The following VPS13B variants were observed in gnomAD, a reference collection of about 807,000 sequenced individuals.
The protein encoded by VPS13B is intermembrane lipid transfer protein VPS13B.
VPS13B carries 285 observed loss-of-function variants against 426.4 expected under a neutral mutation model. That is an observed-to-expected ratio of 0.67 (90% CI 0.61 to 0.74). The LOEUF (loss-of-function observed/expected upper bound fraction) is 0.74. VPS13B is among the 30% of genes least tolerant of loss of function. VPS13B has a pLI of 0.00. For synonymous variants in VPS13B, 1,676 were observed against 1,676.4 expected (o/e 1.00, Z 0.01); for missense variants, 4,537 against 4,782.6 (o/e 0.95, Z 1.51).
At chr8:99,507,681 G>T in intron 28 of VPS13B, 1 of 1,578,988 alleles carries the variant, frequency 6.3e-7, no homozygotes, top group South Asian at 1.1e-5. Context: ...AACTTGAGGA[G>T]AATTTAAAAC....
chr8:99,409,742 G>A (rs747965222), intron 21 of VPS13B, among the ~76,000 whole-genome samples: 4 of 151,952 alleles, frequency 2.6e-5, no homozygotes, highest in East Asian at 1.9e-4. Context: ...GTTAACATCC[G>A]GACTACATGC....
At chr8:99,417,636 ATATAAC>A (rs1233767765) in intron 21 of VPS13B, among the ~76,000 whole-genome samples, 1 of 152,156 alleles carries the variant, frequency 6.6e-6, no homozygotes, top group Non-Finnish European at 1.5e-5. Context: ...GGTAATCTAT[ATATAAC>A]TTGAACATTG....
At chr8:99,190,765 G>A (rs1813520139) in intron 16 of VPS13B, among the ~76,000 whole-genome samples, 1 of 151,900 alleles carries the variant, frequency 6.6e-6, no homozygotes, top group African/African-American at 2.4e-5. Flanking sequence ...TCTGAACTAT[G>A]TTGTTATGAT....
chr8:99,574,485 A>G (rs1825664299), intron 31 of VPS13B, among the ~76,000 whole-genome samples: 1 of 152,142 alleles, frequency 6.6e-6, no homozygotes, highest in Admixed American at 6.6e-5. Context: ...ATCAATACCT[A>G]ATTTATTGAG....
chr8:99,303,258 C>CAAAA (rs757187342), intron 19 of VPS13B, among the ~76,000 whole-genome samples: 37,519 of 57,016 alleles, frequency 0.66, 12,521 homozygotes, highest in South Asian at 0.79. Flanking sequence ...CAGCCTGTCT[C>CAAAA]AAAAAAAAAA....
chr8:99,373,687 G>A (rs1173685272), intron 19 of VPS13B, among the ~76,000 whole-genome samples: 5 of 152,042 alleles, frequency 3.3e-5, no homozygotes, highest in East Asian at 3.9e-4. Context: ...GTGAAACATC[G>A]TCTCTGCAAA....
rs35646881 is a variant in VPS13B, at chr8:99,469,168, CTTTT to C, written c.3666+1550_3666+1553del. On this transcript the variant is annotated intron_variant, in intron 24 of 61. Transcript: ENST00000357162. ...CATTATTTCATGTTTTCTTTCTTTC[CTTTT>C]TTTTTTTTTTTTTTTGACACAGGGT... Among the ~76,000 whole-genome samples the C allele has an allele frequency of 4.9e-3, 624 of 127,720 alleles. 5 individuals are homozygous for C. Among genetic ancestry groups the C allele is most frequent in the African/African-American group, 0.017 (586 of 34,254 alleles). 83.8% of individuals were successfully genotyped at this position (127,720 alleles called of 152,430 possible). A position where few individuals can be genotyped will look rare whatever the true frequency, so the allele number is the denominator to read the frequency against.
intron 40 of VPS13B, among the ~76,000 whole-genome samples, chr8:99,774,611 A>G (rs1465092757): frequency 6.6e-6 from 1 of 152,204 alleles, no homozygotes; most frequent in African/African-American, 2.4e-5. Context: ...AACTGGTCCC[A>G]TAGAACTCTT....
intron 17 of VPS13B, among the ~76,000 whole-genome samples, chr8:99,260,684 A>G (rs1285842229): frequency 1.3e-5 from 2 of 152,044 alleles, no homozygotes; most frequent in African/African-American, 2.4e-5. Context: ...AAGTCCACAT[A>G]CAATCTAGTG....
At chr8:99,255,459 G>A (rs1481925444) in intron 17 of VPS13B, among the ~76,000 whole-genome samples, 3 of 152,100 alleles carry the variant, frequency 2.0e-5, no homozygotes, top group Non-Finnish European at 4.4e-5. Context: ...AAACCTGGAT[G>A]TTTGGATATT....
intron 33 of VPS13B, among the ~76,000 whole-genome samples, chr8:99,640,049 G>GAAGAGAAAAGAAGAGAAA (rs1299280170): frequency 1.9e-4 from 19 of 99,728 alleles, no homozygotes; most frequent in Non-Finnish European, 3.4e-4. Flanking sequence ...AGAAGAAGAA[G>GAAGAGAAAAGAAGAGAAA]AGAAAAGAAA....
intron 39 of VPS13B, among the ~76,000 whole-genome samples, chr8:99,723,400 G>A (rs1833208667): frequency 6.6e-6 from 1 of 152,088 alleles, no homozygotes; most frequent in East Asian, 1.9e-4. Flanking sequence ...ATGCTCAAAG[G>A]AAATGCTTAT....
intron 19 of VPS13B, among the ~76,000 whole-genome samples, chr8:99,324,154 C>G (rs1321260258): frequency 6.6e-6 from 1 of 152,178 alleles, no homozygotes; most frequent in South Asian, 2.1e-4. Flanking sequence ...TGATCAAACT[C>G]TTTCTGAAAC....
chr8:99,189,200 C>T (rs549148352), intron 16 of VPS13B, among the ~76,000 whole-genome samples: 72 of 152,328 alleles, frequency 4.7e-4, no homozygotes, highest in Non-Finnish European at 2.9e-4. Flanking sequence ...CCACCTGCCT[C>T]GGCCTCCCAG....
At chr8:99,557,104 C>T (rs1824623740) in intron 31 of VPS13B, among the ~76,000 whole-genome samples, 1 of 152,000 alleles carries the variant, frequency 6.6e-6, no homozygotes, top group Non-Finnish European at 1.5e-5. Flanking sequence ...TTTCCATCCA[C>T]TTTAACTAAA....
At chr8:99,590,933 G>C (rs1291245733) in intron 33 of VPS13B, among the ~76,000 whole-genome samples, 1 of 151,996 alleles carries the variant, frequency 6.6e-6, no homozygotes, top group East Asian at 1.9e-4. Context: ...ATTGATAGTG[G>C]GGTGTTAAAG....
chr8:99,286,221 A>G, intron 19 of VPS13B, among the ~76,000 whole-genome samples: 1 of 152,136 alleles, frequency 6.6e-6, no homozygotes, highest in South Asian at 2.1e-4. Flanking sequence ...AAAGGAAATT[A>G]TTTTTGCCAT....
intron 29 of VPS13B, among the ~76,000 whole-genome samples, chr8:99,520,524 T>C (rs1286678197): frequency 6.6e-6 from 1 of 151,872 alleles, no homozygotes; most frequent in Admixed American, 6.6e-5. Flanking sequence ...TAGACAACAA[T>C]GAAGTATTAA....
intron 40 of VPS13B, among the ~76,000 whole-genome samples, chr8:99,770,215 T>C (rs947491110): frequency 6.6e-6 from 1 of 152,264 alleles, no homozygotes; most frequent in Non-Finnish European, 1.5e-5. Flanking sequence ...AATGGTTTGC[T>C]TGATCATATT....
Sources: allele counts gnomAD v4.1 joint callset (sites outside exome capture counted in the v4.1 genomes callset), GRCh38; gene constraint gnomAD v4.1.1; transcripts MANE v1.5; gene names NCBI Gene and HGNC (gene_info 2026-07-23, HGNC 2026-07-21).